Variants in GAK observed in about 807,000 individuals in gnomAD.
GAK encodes the protein cyclin-G-associated kinase.
In GAK, 79 loss-of-function variants were observed where a neutral mutation model predicts 143.9. The observed-to-expected ratio is 0.55, with a 90% CI of 0.46 to 0.66. The LOEUF is 0.66. GAK is among the 30% of genes least tolerant of loss of function. The pLI is 0.00. For missense variants in GAK, 1,693 were observed against 1,779.7 expected, an observed-to-expected ratio of 0.95 and a Z score of 0.88; for synonymous variants, 881 against 765.5, an observed-to-expected ratio of 1.15 and a Z score of -2.49.
At position 867,118 on chromosome 4, in the gene GAK, G is replaced by C; in HGVS notation, c.2710C>G (p.Pro904Ala). The C allele has an allele frequency of 6.3e-7, 1 of 1,579,030 alleles. No homozygotes were observed. Among genetic ancestry groups the C allele is most frequent in the Non-Finnish European group, 8.6e-7 (1 of 1,159,408 alleles). ...PAVPPQACKA[P>A]SSNTDLLSCL... is the part of the protein sequence containing the mutation. ...CTGAGCAGGTCGGTGTTGCTGGAGG[G>C]GGCCTTGCAGGCCTGCGGGGGTACA... Residue 904 changes from proline (P) to alanine (A), a missense_variant, in exon 21 of 28, where the codon CCC becomes GCC. Coordinates refer to ENST00000314167, the MANE Select transcript of GAK (RefSeq NM_005255.4).
intron 1 of GAK, among the ~76,000 whole-genome samples, chr4:926,040 C>T (rs538231976): frequency 4.9e-4 from 74 of 151,914 alleles, no homozygotes; most frequent in African/African-American, 1.4e-3. Context: ...CCTCCCCGAA[C>T]GTCTAATTCA....
In GAK at chr4:888,944, G is replaced by A. The variant is rs1717096653; in HGVS notation, c.1108C>T (p.Pro370Ser). ...GGLALAEYDQ[P>S]YGGFLDILRG... ...AGAATGTCCAGGAAGCCGCCATACGGCTGGTCGTACTCCGCCAGCGCCAGG... is the reference window on the plus strand; with the variant it reads ...AGAATGTCCAGGAAGCCGCCATACGACTGGTCGTACTCCGCCAGCGCCAGG... Residue 370 changes from proline (P) to serine (S), a missense_variant, in exon 11 of 28, where the codon CCG (proline) becomes TCG (serine). Pro to Ser is a moderately conservative substitution (Grantham distance 74). This residue lies in a region of GAK where 871 missense variants were observed against 991.0 expected (regional missense o/e 0.88). Transcript: ENST00000314167. 1.2e-6 allele frequency: 2 copies of A among 1,612,032 alleles called. No individual in the cohort carries two copies. The highest frequency in any genetic ancestry group is 1.3e-5 in the African/African-American group (1 of 75,042).
chr4:900,779 A>G (rs982590569), intron 5 of GAK, among the ~76,000 whole-genome samples: 2 of 152,218 alleles, frequency 1.3e-5, no homozygotes, highest in Non-Finnish European at 2.9e-5. Context: ...GGCAGAATGT[A>G]CTTTTAGAAA....
intron 1 of GAK, among the ~76,000 whole-genome samples, chr4:929,336 C>T (rs764824215): frequency 1.8e-4 from 27 of 152,220 alleles, no homozygotes; most frequent in Non-Finnish European, 1.5e-4. Flanking sequence ...AACCATACGA[C>T]GGCTGTGCGG....
chr4:858,904 G>A lies in GAK; in HGVS notation c.3283+702C>T, dbSNP rs182262253. Reference sequence around the variant, plus strand: ...CCTGGGGCTGCATGCTGGAGCGTCCGGGGGTCACCGGCACCAACAAGCATC... The same window carrying A: ...CCTGGGGCTGCATGCTGGAGCGTCCAGGGGTCACCGGCACCAACAAGCATC... On this transcript the variant is annotated intron_variant, in intron 24 of 27. Transcript: ENST00000314167. 3.1e-3 allele frequency among the ~76,000 whole-genome samples: 476 copies of A among 152,334 alleles called. 3 individuals carry two copies. Among genetic ancestry groups the A allele is most frequent in the African/African-American group, 0.011 (450 of 41,576 alleles).
intron 26 of GAK, 68 bp downstream of exon 26, chr4:850,868 C>T (rs1052679108): frequency 8.8e-5 from 135 of 1,542,772 alleles, no homozygotes; most frequent in East Asian, 5.2e-4. Context: ...CCATAAGGCA[C>T]AGCAGATGCT....
In GAK at chr4:866,985, C is replaced by T. The variant is rs745755513; in HGVS notation, c.2843G>A (p.Ser948Asn). The T allele has an allele frequency of 1.3e-6, 2 of 1,497,406 alleles. No homozygotes were observed. Among genetic ancestry groups the T allele is most frequent in the South Asian group, 2.7e-5 (2 of 73,046 alleles). The allele number at this position is 1,497,406 out of a possible 1,614,324, so 92.8% of individuals were successfully genotyped here. ...GGCAGGGGGCCCTCCTCTTGGGGTG[C>T]TCTGCACGCTCAGGGGAGGGGCCGG... ...ASPAPPLSVQ[S>N]TPRGGPPAAA... Residue 948 changes from serine (S) to asparagine (N), a missense_variant, in exon 21 of 28, where the codon AGC becomes AAC. Around this residue, in one of 2 missense-constraint regions of GAK, gnomAD observed 822 missense variants for 788.7 expected, o/e 1.04. Coordinates refer to ENST00000314167, the MANE Select transcript of GAK (RefSeq NM_005255.4).
chr4:907,231 C>A (rs1721243512), intron 4 of GAK, among the ~76,000 whole-genome samples: 1 of 152,218 alleles, frequency 6.6e-6, no homozygotes, highest in African/African-American at 2.4e-5. Flanking sequence ...CCAGCACTGC[C>A]CCCACCTGCA....
chr4:904,893 T>A, intron 4 of GAK, 114 bp from the exon 5 acceptor site: 4 of 1,062,746 alleles, frequency 3.8e-6, no homozygotes, highest in Admixed American at 2.5e-5. Flanking sequence ...ACCCTGACTT[T>A]CCACACCTAA....
At chr4:915,203 C>A (rs1335209844) in intron 1 of GAK, among the ~76,000 whole-genome samples, 1 of 151,322 alleles carries the variant, frequency 6.6e-6, no homozygotes, top group Admixed American at 6.6e-5. Context: ...CGGCCCCGTG[C>A]ACTCAGCCCC....
chr4:885,610 C>A (rs1344330887), intron 11 of GAK, among the ~76,000 whole-genome samples: 2 of 152,170 alleles, frequency 1.3e-5, no homozygotes, highest in African/African-American at 4.8e-5. Context: ...GCTGACGGGA[C>A]AGAAACCAGG....
At chr4:881,689 C>A (rs1715137490) in intron 15 of GAK, among the ~76,000 whole-genome samples, 1 of 152,254 alleles carries the variant, frequency 6.6e-6, no homozygotes, top group Non-Finnish European at 1.5e-5. Context: ...CAGGTGCTGC[C>A]CCACAGCAGT....
intron 7 of GAK, among the ~76,000 whole-genome samples, chr4:895,722 G>A (rs578261835): frequency 6.6e-6 from 1 of 152,354 alleles, no homozygotes; most frequent in African/African-American, 2.4e-5. Context: ...TCGGTCAATG[G>A]GGACATGGCC....
At chr4:897,821 T>C (rs1295512420) in intron 6 of GAK, among the ~76,000 whole-genome samples, 4 of 152,172 alleles carry the variant, frequency 2.6e-5, no homozygotes, top group South Asian at 4.1e-4. Flanking sequence ...TGGTGGTGTG[T>C]GCCTGTAACC....
chr4:914,825 G>GTA (rs1722815027), intron 1 of GAK, among the ~76,000 whole-genome samples: 3 of 98,370 alleles, frequency 3.0e-5, no homozygotes, highest in African/African-American at 4.1e-5. Flanking sequence ...CAGCCCCAAC[G>GTA]TACACGGCCC....
rs760994565 is a variant in GAK at position 851,971 on chromosome 4, G to A, written c.3287C>T (p.Ser1096Leu). The A allele has an allele frequency of 6.2e-7, 1 of 1,612,944 alleles. No homozygotes were observed. The highest frequency in any genetic ancestry group is 2.2e-5 in the East Asian group (1 of 44,882). ...LGDLSSGLQG[S>L]PAGFPPGGFI... Reference sequence around the variant, plus strand: ...GCCCCCAGGAGGGAATCCAGCTGGTGAGCCTGTGGAGATGGAGATCGGAAA... The same window carrying A: ...GCCCCCAGGAGGGAATCCAGCTGGTAAGCCTGTGGAGATGGAGATCGGAAA... Residue 1096 changes from serine to leucine, a missense_variant, in exon 25 of 28, where the codon TCA (serine) becomes TTA (leucine). This residue lies in a region of GAK where 822 missense variants were observed against 788.7 expected (regional missense o/e 1.04). Coordinates refer to ENST00000314167, the MANE Select transcript of GAK (RefSeq NM_005255.4).
chr4:904,242 G>A (rs750920564), intron 5 of GAK, among the ~76,000 whole-genome samples: 29 of 144,488 alleles, frequency 2.0e-4, no homozygotes, highest in Non-Finnish European at 3.2e-4. Context: ...TGGATGATGG[G>A]CGGCTCCTAA....
At chr4:896,157 G>A (rs3775125) in intron 7 of GAK, among the ~76,000 whole-genome samples, 22,152 of 152,122 alleles carry the variant, frequency 0.15, 1,721 homozygotes, top group South Asian at 0.22. Flanking sequence ...CCAGCTACTC[G>A]GGAGGCTGAG....
chr4:852,069 T>C (rs751964862), intron 24 of GAK, 95 bp from the exon 25 acceptor site: 10 of 1,084,510 alleles, frequency 9.2e-6, no homozygotes, highest in East Asian at 2.6e-5. Flanking sequence ...TTGGAAAACA[T>C]GCGCTTGCAA....
Sources: allele counts gnomAD v4.1 joint callset (sites outside exome capture counted in the v4.1 genomes callset), GRCh38; gene constraint gnomAD v4.1.1; regional missense constraint gnomAD v4.1.1; transcripts MANE v1.5; gene names NCBI Gene and HGNC (gene_info 2026-07-23, HGNC 2026-07-21).